ULK4: variants seen among roughly 807,000 people sequenced by gnomAD.
The protein encoded by ULK4 is unc-51 like kinase 4.
In ULK4, 133 loss-of-function variants were observed where a neutral mutation model predicts 160.6. That is an observed-to-expected ratio of 0.83 (90% CI 0.72 to 0.96). ULK4 has a LOEUF of 0.96. Ranked by LOEUF, ULK4 falls within the 40% of genes least tolerant of loss-of-function variation. The pLI is 0.00. For synonymous variants in ULK4, 534 were observed against 539.8 expected, an observed-to-expected ratio of 0.99 and a Z score of 0.15; for missense variants, 1,580 against 1,499.5, an observed-to-expected ratio of 1.05 and a Z score of -0.89.
At chr3:41,291,938 A>C (rs377344849) in intron 35 of ULK4, among the ~76,000 whole-genome samples, 2 of 149,640 alleles carry the variant, frequency 1.3e-5, no homozygotes, top group African/African-American at 2.5e-5. Context: ...TCATGCCATT[A>C]TCCTGCCTCA....
intron 32 of ULK4, among the ~76,000 whole-genome samples, chr3:41,504,332 G>C (rs1018814459): frequency 7.2e-5 from 11 of 152,030 alleles, no homozygotes; most frequent in African/African-American, 2.7e-4. Flanking sequence ...GCCTTTGTTT[G>C]TTTTATACAT....
chr3:41,622,330 G>A (rs752521068), intron 30 of ULK4, among the ~76,000 whole-genome samples: 1 of 152,152 alleles, frequency 6.6e-6, no homozygotes, highest in Non-Finnish European at 1.5e-5. Flanking sequence ...ATTTACAATA[G>A]TAAAGACTTG....
At chr3:41,918,716 T>C (rs56087904) in intron 6 of ULK4, among the ~76,000 whole-genome samples, 176 bp from the exon 7 acceptor site, 6,679 of 150,132 alleles carry the variant, frequency 0.044, 250 homozygotes, top group Non-Finnish European at 0.067. Flanking sequence ...ACTCTCCTGC[T>C]TCAGCCTCCC....
At chr3:41,911,829 C>G (rs887532438) in intron 9 of ULK4, among the ~76,000 whole-genome samples, 170 bp from the exon 10 acceptor site, 6 of 152,272 alleles carry the variant, frequency 3.9e-5, no homozygotes, top group African/African-American at 1.2e-4. Context: ...CAAAGACCGG[C>G]AGGAAAGCTA....
chr3:41,682,938 C>G (rs1173716951), intron 27 of ULK4, among the ~76,000 whole-genome samples: 2 of 152,094 alleles, frequency 1.3e-5, no homozygotes, highest in Non-Finnish European at 2.9e-5. Flanking sequence ...GATCTAAGTG[C>G]CCATCTCTAG....
At chr3:41,733,485 G>C (rs1293898790) in intron 22 of ULK4, among the ~76,000 whole-genome samples, 1 of 151,972 alleles carries the variant, frequency 6.6e-6, no homozygotes, top group African/African-American at 2.4e-5. Flanking sequence ...TTTACAAAAT[G>C]CAAGAATGCA....
chr3:41,315,573 A>G (rs1217816315), intron 35 of ULK4, among the ~76,000 whole-genome samples: 1 of 152,228 alleles, frequency 6.6e-6, no homozygotes, highest in African/African-American at 2.4e-5. Context: ...ACTAAAACTC[A>G]GTAAGAACAG....
chr3:41,869,621 T>A (rs573764571), intron 17 of ULK4, among the ~76,000 whole-genome samples: 29 of 152,180 alleles, frequency 1.9e-4, no homozygotes, highest in Non-Finnish European at 3.7e-4. Flanking sequence ...AAACATAATA[T>A]ACACATAAAA....
chr3:41,892,478 TGTA>T (rs1224004499), intron 16 of ULK4, among the ~76,000 whole-genome samples: 1 of 152,114 alleles, frequency 6.6e-6, no homozygotes, highest in Non-Finnish European at 1.5e-5. Context: ...ATAAACAAAA[TGTA>T]GTATATGCAT....
At chr3:41,540,210 T>C (rs1013674963) in intron 32 of ULK4, among the ~76,000 whole-genome samples, 3 of 151,974 alleles carry the variant, frequency 2.0e-5, no homozygotes, top group Non-Finnish European at 2.9e-5. Context: ...CCCTCCCCTA[T>C]TCCCCATCCC....
At chr3:41,518,771 C>T (rs559663261) in intron 32 of ULK4, among the ~76,000 whole-genome samples, 7 of 152,142 alleles carry the variant, frequency 4.6e-5, no homozygotes, top group Admixed American at 2.0e-4. Flanking sequence ...TGTCTTTGTA[C>T]GGGTATGACC....
intron 35 of ULK4, among the ~76,000 whole-genome samples, chr3:41,272,041 G>T (rs2888056): frequency 3.3e-5 from 5 of 151,898 alleles, no homozygotes; most frequent in Admixed American, 1.3e-4. Context: ...CTCAGCCTCC[G>T]GAGTAGCTGG....
intron 22 of ULK4, among the ~76,000 whole-genome samples, chr3:41,751,224 T>C (rs1209381248): frequency 6.6e-6 from 1 of 152,100 alleles, no homozygotes; most frequent in Non-Finnish European, 1.5e-5. Flanking sequence ...AGGAAGGTGG[T>C]GTAGTCTTTC....
intron 14 of ULK4, among the ~76,000 whole-genome samples, chr3:41,897,675 T>C (rs943229616): frequency 1.3e-5 from 2 of 152,210 alleles, no homozygotes; most frequent in African/African-American, 4.8e-5. Context: ...GCACTATTAA[T>C]AATACTTTGC....
chr3:41,789,944 T>C, intron 20 of ULK4, 101 bp from the exon 21 acceptor site: 2 of 1,091,056 alleles, frequency 1.8e-6, no homozygotes, highest in Non-Finnish European at 2.4e-6. Context: ...AGAAGGTGCT[T>C]ACTTGGCTCT....
intron 2 of ULK4, among the ~76,000 whole-genome samples, chr3:41,952,931 T>C (rs1700337003): frequency 6.6e-6 from 1 of 152,090 alleles, no homozygotes. Flanking sequence ...CTTGAGGACA[T>C]TACACTGGGT....
At chr3:41,628,609 G>C (rs1231357703) in intron 30 of ULK4, among the ~76,000 whole-genome samples, 1 of 152,182 alleles carries the variant, frequency 6.6e-6, no homozygotes, top group Admixed American at 6.5e-5. Flanking sequence ...AACTGTTCCA[G>C]ACTAAGGAGA....
intron 35 of ULK4, among the ~76,000 whole-genome samples, chr3:41,379,652 A>G (rs1452875545): frequency 6.6e-6 from 1 of 152,164 alleles, no homozygotes; most frequent in East Asian, 1.9e-4. Context: ...CATCTCCTAA[A>G]TGTTCTAAGC....
At chr3:41,700,901 C>T (rs2036652409) in intron 27 of ULK4, among the ~76,000 whole-genome samples, 1 of 151,888 alleles carries the variant, frequency 6.6e-6, no homozygotes, top group Non-Finnish European at 1.5e-5. Context: ...ATAAAAAAGA[C>T]AAGCAGAATT....
Sources: gnomAD v4.1 joint callset for allele counts (sites outside exome capture counted in the v4.1 genomes callset) on GRCh38, gnomAD v4.1.1 for gene constraint, MANE v1.5 for transcripts, NCBI Gene and HGNC (gene_info 2026-07-23, HGNC 2026-07-21) for gene names.